The following ZMYND11 variants were observed in gnomAD, a reference collection of about 807,000 sequenced individuals.
The protein encoded by ZMYND11 is zinc finger MYND domain-containing protein 11.
A neutral mutation model predicts 84.9 loss-of-function variants in ZMYND11; 9 were observed. The ratio of observed to expected loss-of-function variants is 0.11; its 90% confidence interval spans 0.06 to 0.18. ZMYND11 has a LOEUF of 0.18. Among genes scored for constraint, ZMYND11 ranks in the 10% least tolerant of loss-of-function variants. ZMYND11 has a pLI of 1.00. For missense variants in ZMYND11, 409 were observed against 761.0 expected (o/e 0.54, Z 5.44); for synonymous variants, 250 against 244.1 (o/e 1.02, Z -0.23).
chr10:134,017 C>T (rs1185424329), upstream of ZMYND11, among the ~76,000 whole-genome samples: 1 of 152,134 alleles, frequency 6.6e-6, no homozygotes, highest in African/African-American at 2.4e-5. Context: ...TCCCCAAATT[C>T]CTACAACCGT....
chr10:192,429 A>C (rs948194156), intron 2 of ZMYND11, among the ~76,000 whole-genome samples: 3 of 152,142 alleles, frequency 2.0e-5, no homozygotes, highest in Admixed American at 6.5e-5. Context: ...ATTGTGCTCC[A>C]TATCTCTTTG....
chr10:162,758 G>A lies in ZMYND11; in HGVS notation c.-19-17236G>A, dbSNP rs1253515552. Among the ~76,000 whole-genome samples, 3 of 152,132 alleles carry A rather than the reference G, an allele frequency of 2.0e-5. No individual in the cohort carries two copies. The East Asian group carries it at 5.8e-4, about 29-fold the overall frequency. On this transcript the variant is annotated intron_variant, in intron 1 of 14. Transcript: ENST00000381604. ...AAAGTTTATTTAAGATTTTGGCATG[G>A]ATGTTAATAAACTTGTTTGTAGCAT...
chr10:207,430 G>A (rs1479932285), intron 2 of ZMYND11, among the ~76,000 whole-genome samples: 2 of 152,188 alleles, frequency 1.3e-5, no homozygotes, highest in African/African-American at 4.8e-5. Flanking sequence ...TTCCACAATG[G>A]TTGAACTAGT....
At chr10:152,941 C>T (rs1554757550) in intron 1 of ZMYND11, among the ~76,000 whole-genome samples, 1 of 152,226 alleles carries the variant, frequency 6.6e-6, no homozygotes, top group African/African-American at 2.4e-5. Flanking sequence ...GGAAACTGAA[C>T]AACCTGCTCC....
chr10:201,658 G>A (rs182283091), intron 2 of ZMYND11, among the ~76,000 whole-genome samples: 1 of 150,724 alleles, frequency 6.6e-6, no homozygotes, highest in Non-Finnish European at 1.5e-5. Context: ...TCGGGGAGGG[G>A]ATCATCTCAG....
chr10:200,279 T>C (rs1942858290), intron 2 of ZMYND11, among the ~76,000 whole-genome samples: 5 of 135,354 alleles, frequency 3.7e-5, no homozygotes, highest in Middle Eastern at 3.7e-3. Flanking sequence ...ATATATAATA[T>C]ATAATATGTA....
At chr10:202,317 G>T (rs1278713146) in intron 2 of ZMYND11, among the ~76,000 whole-genome samples, 5 of 151,948 alleles carry the variant, frequency 3.3e-5, no homozygotes, top group African/African-American at 9.7e-5. Flanking sequence ...GAATTTCTTT[G>T]AACTTATTTC....
chr10:233,110 A>C (rs989557940), intron 4 of ZMYND11, among the ~76,000 whole-genome samples: 1 of 152,202 alleles, frequency 6.6e-6, no homozygotes, highest in African/African-American at 2.4e-5. Flanking sequence ...CACCTATCAG[A>C]AACCCCTGGG....
chr10:215,487 T>C (rs1443696063), intron 3 of ZMYND11, among the ~76,000 whole-genome samples: 1 of 152,176 alleles, frequency 6.6e-6, no homozygotes, highest in Admixed American at 6.5e-5. Flanking sequence ...GTTTTGCTGC[T>C]TGTGACTCAA....
At chr10:187,140 C>T (rs915621265) in intron 2 of ZMYND11, among the ~76,000 whole-genome samples, 1 of 151,550 alleles carries the variant, frequency 6.6e-6, no homozygotes, top group Non-Finnish European at 1.5e-5. Flanking sequence ...GAGGGAGGAT[C>T]GCTTGAGCCC....
chr10:186,991 G>T (rs1938750582), intron 2 of ZMYND11, among the ~76,000 whole-genome samples: 1 of 152,064 alleles, frequency 6.6e-6, no homozygotes, highest in Admixed American at 6.5e-5. Context: ...ATTTTTGGAG[G>T]CTGAGATTGG....
chr10:212,118 T>A (rs1274404197), intron 3 of ZMYND11, among the ~76,000 whole-genome samples: 1 of 152,180 alleles, frequency 6.6e-6, no homozygotes. Context: ...AAAGCGATTT[T>A]ATTTCTCTTT....
upstream of ZMYND11, among the ~76,000 whole-genome samples, chr10:130,706 C>T (rs1264052917): frequency 6.6e-6 from 1 of 152,162 alleles, no homozygotes; most frequent in Non-Finnish European, 1.5e-5. Context: ...GTTAGAAAAT[C>T]ATACTCCTGA....
chr10:206,125 C>T (rs1204572674), intron 2 of ZMYND11, among the ~76,000 whole-genome samples: 10 of 151,806 alleles, frequency 6.6e-5, no homozygotes, highest in Non-Finnish European at 1.5e-4. Flanking sequence ...TTTGGGAGGC[C>T]GAGGCGGGTG....
Position 252,206 on chromosome 10 carries a change from G to C in ZMYND11, c.1687-142G>C. ...CCCCAGGGCTCCCTTTCCATCTGCT[G>C]TGCATAAAACGTATTCAGATTCCAC... On this transcript the variant is annotated intron_variant, in intron 14 of 14. Transcript: ENST00000381604. The surrounding 1 kb of genome is among the most constrained non-coding windows in gnomAD (Gnocchi z 4.6). 1 of 1,015,454 alleles carries C rather than the reference G, an allele frequency of 9.8e-7. No homozygotes were observed. The highest frequency in any genetic ancestry group is 2.6e-5 in the East Asian group (1 of 37,922). The allele number at this position is 1,015,454 out of a possible 1,614,324, so 62.9% of individuals were successfully genotyped here. A position where few individuals can be genotyped will look rare whatever the true frequency, so the allele number is the denominator to read the frequency against.
intron 12 of ZMYND11, 147 bp from the exon 13 acceptor site, chr10:248,189 C>T: frequency 1.1e-6 from 1 of 949,078 alleles, no homozygotes; most frequent in African/African-American, 1.7e-5. Context: ...ATATACGTGA[C>T]ATCTACCACC....
At chr10:168,512 A>T (rs547540930) in intron 1 of ZMYND11, among the ~76,000 whole-genome samples, 9 of 152,242 alleles carry the variant, frequency 5.9e-5, no homozygotes, top group African/African-American at 1.9e-4. Flanking sequence ...AAAATCCTTC[A>T]GTGAATCATA....
intron 14 of ZMYND11, among the ~76,000 whole-genome samples, chr10:251,441 G>A (rs527674149): frequency 1.3e-3 from 200 of 152,300 alleles, no homozygotes; most frequent in African/African-American, 4.5e-3. Context: ...AAGGAAATTA[G>A]AATGTTTAGG....
chr10:146,288 A>T (rs1838810210), intron 1 of ZMYND11, among the ~76,000 whole-genome samples: 1 of 152,186 alleles, frequency 6.6e-6, no homozygotes, highest in African/African-American at 2.4e-5. Flanking sequence ...GCCTTGTAGT[A>T]TAAAGTCAGG....
Sources: allele counts gnomAD v4.1 joint callset (sites outside exome capture counted in the v4.1 genomes callset), GRCh38; gene constraint gnomAD v4.1.1; non-coding constraint Gnocchi (gnomAD v3.1); transcripts MANE v1.5; gene names NCBI Gene and HGNC (gene_info 2026-07-23, HGNC 2026-07-21).